The following FMNL2 variants were observed in gnomAD, a reference collection of about 807,000 sequenced individuals.
FMNL2 encodes the protein formin like 2.
In FMNL2, 51 loss-of-function variants were observed where a neutral mutation model predicts 130.2. The observed-to-expected ratio is 0.39, with a 90% CI of 0.31 to 0.49. FMNL2 has a LOEUF of 0.49. FMNL2 is among the 20% of genes least tolerant of loss of function. FMNL2 has a pLI of 0.85. For missense variants in FMNL2, 977 were observed against 1,316.2 expected (o/e 0.74, Z 3.99); for synonymous variants, 465 against 467.1 (o/e 1.00, Z 0.06).
chr2:152,376,138 AC>A (rs1345466456), intron 1 of FMNL2, among the ~76,000 whole-genome samples: 2 of 151,370 alleles, frequency 1.3e-5, no homozygotes, highest in Admixed American at 6.6e-5. Context: ...AAGTGATCCA[AC>A]CCCCCTTGAC....
At chr2:152,643,389 T>G in intron 25 of FMNL2, 3 of 1,536,004 alleles carry the variant, frequency 2.0e-6, no homozygotes, top group Non-Finnish European at 2.6e-6. Flanking sequence ...CTCTTCTGTT[T>G]GTGTTGTTTG....
intron 1 of FMNL2, among the ~76,000 whole-genome samples, chr2:152,359,476 G>A (rs953595932): frequency 5.2e-5 from 5 of 96,476 alleles, no homozygotes; most frequent in Non-Finnish European, 9.0e-5. Context: ...TATCTAAGAG[G>A]TAGCCTTTTT....
chr2:152,554,851 C>T (rs890535874), intron 4 of FMNL2, among the ~76,000 whole-genome samples: 3 of 152,128 alleles, frequency 2.0e-5, no homozygotes, highest in Non-Finnish European at 2.9e-5. Flanking sequence ...TAGTTCAGCT[C>T]GCAACTCAAA....
At chr2:152,428,319 A>G (rs1023441670) in intron 1 of FMNL2, among the ~76,000 whole-genome samples, 3 of 152,216 alleles carry the variant, frequency 2.0e-5, no homozygotes, top group Admixed American at 1.3e-4. Context: ...AGGGACAAAA[A>G]GCAAGCAAAC....
chr2:152,338,818 G>GACACAC (rs767062578), intron 1 of FMNL2, among the ~76,000 whole-genome samples: 36 of 60,394 alleles, frequency 6.0e-4, no homozygotes, highest in African/African-American at 1.5e-3. Context: ...TGGAAGGTGA[G>GACACAC]ATACACACAC....
intron 1 of FMNL2, among the ~76,000 whole-genome samples, chr2:152,337,561 T>G (rs565357142): frequency 1.4e-4 from 22 of 152,256 alleles, no homozygotes; most frequent in African/African-American, 5.3e-4. Context: ...CCCTGCTGAT[T>G]AATAACACAT....
chr2:152,599,031 A>G (rs1049721529), intron 9 of FMNL2, among the ~76,000 whole-genome samples: 7 of 152,186 alleles, frequency 4.6e-5, no homozygotes, highest in African/African-American at 1.4e-4. Context: ...GGGGAAGAAG[A>G]TGGATGTCCC....
At chr2:152,360,853 T>C (rs1327621327) in intron 1 of FMNL2, among the ~76,000 whole-genome samples, 2 of 152,324 alleles carry the variant, frequency 1.3e-5, no homozygotes, top group East Asian at 3.9e-4. Flanking sequence ...TGAAGCAACC[T>C]GGTCAGATAT....
Position 152,614,626 on chromosome 2 carries a change from C to T in FMNL2, c.1063-225C>T, listed in dbSNP as rs914886951. Among the ~76,000 whole-genome samples, 3 of 152,178 alleles carry T rather than the reference C, an allele frequency of 2.0e-5. No individual in the cohort carries two copies. The South Asian group carries it at 6.2e-4, about 32-fold the overall frequency. The stretch of plus-strand genomic sequence containing the variant: ...GGTGTGGTGGCGCGTGCCTGTAATC[C>T]CAGCTACTTGGGAGGCTGAGACACG... On this transcript the variant is annotated intron_variant, in intron 11 of 25. Transcript: ENST00000288670.
At chr2:152,411,003 G>T (rs922516114) in intron 1 of FMNL2, among the ~76,000 whole-genome samples, 1 of 152,164 alleles carries the variant, frequency 6.6e-6, no homozygotes, top group African/African-American at 2.4e-5. Flanking sequence ...TTAAAGAAGA[G>T]CAAGCCACCT....
intron 1 of FMNL2, among the ~76,000 whole-genome samples, chr2:152,430,120 T>C (rs988084154): frequency 1.3e-5 from 2 of 152,226 alleles, no homozygotes; most frequent in African/African-American, 4.8e-5. Flanking sequence ...GTTGGTTATA[T>C]TGAAATTTTT....
chr2:152,433,576 T>A (rs909554735), intron 1 of FMNL2, among the ~76,000 whole-genome samples: 1 of 152,126 alleles, frequency 6.6e-6, no homozygotes, highest in Admixed American at 6.5e-5. Context: ...TCAGGGTTGG[T>A]CTGAATGTAA....
At chr2:152,429,616 T>G (rs1687389881) in intron 1 of FMNL2, among the ~76,000 whole-genome samples, 1 of 152,016 alleles carries the variant, frequency 6.6e-6, no homozygotes, top group South Asian at 2.1e-4. Context: ...TCTTTTTTTT[T>G]TTGTTTTCTT....
intron 9 of FMNL2, among the ~76,000 whole-genome samples, chr2:152,581,595 C>T (rs1338909323): frequency 6.6e-6 from 1 of 152,018 alleles, no homozygotes; most frequent in Non-Finnish European, 1.5e-5. Context: ...AATATGACGC[C>T]GCGGGCCCTG....
chr2:152,575,930 C>T (rs987067774), intron 7 of FMNL2, among the ~76,000 whole-genome samples: 1 of 152,156 alleles, frequency 6.6e-6, no homozygotes, highest in African/African-American at 2.4e-5. Flanking sequence ...ACTGTAAAAA[C>T]ACTGGAAGTT....
chr2:152,524,023 A>C (rs1236582217), intron 2 of FMNL2, among the ~76,000 whole-genome samples: 2 of 152,204 alleles, frequency 1.3e-5, no homozygotes. Context: ...TGCTGTTTCC[A>C]TATCCTTCTC....
chr2:152,590,572 C>A (rs1357650485), intron 9 of FMNL2, among the ~76,000 whole-genome samples: 1 of 151,842 alleles, frequency 6.6e-6, no homozygotes, highest in East Asian at 1.9e-4. Flanking sequence ...CGAGATCGCA[C>A]CACTGCATTC....
intron 1 of FMNL2, among the ~76,000 whole-genome samples, chr2:152,362,214 G>A (rs1024480275): frequency 1.3e-5 from 2 of 151,984 alleles, no homozygotes; most frequent in African/African-American, 4.8e-5. Flanking sequence ...TTTGACTCTC[G>A]GGATGGTTGC....
Position 152,619,537 on chromosome 2 carries a change from GCCA to G in FMNL2, c.1659_1661del (p.Pro573del), listed in dbSNP as rs751846151. 422 of 1,445,140 alleles carry G rather than the reference GCCA, an allele frequency of 2.9e-4. 2 individuals are homozygous for G. The East Asian group carries it at 0.01, about 35-fold the overall frequency. The allele number at this position is 1,445,140 out of a possible 1,614,324, so 89.5% of individuals were successfully genotyped here. On this transcript the variant is annotated inframe_deletion, in exon 15 of 26. Transcript: ENST00000288670. ...AAAATGGTCCAGTAACACCACCTAT[GCCA>G]CCGCCGCCGCCGCCCCCTCCTCCAC...
Sources: allele counts gnomAD v4.1 joint callset (sites outside exome capture counted in the v4.1 genomes callset), GRCh38; gene constraint gnomAD v4.1.1; transcripts MANE v1.5; gene names NCBI Gene and HGNC (gene_info 2026-07-23, HGNC 2026-07-21).